The following COL19A1 variants were observed in gnomAD, a reference collection of about 807,000 sequenced individuals.
COL19A1 encodes the protein collagen type XIX alpha 1 chain, also known as collagen alpha-1(XIX) chain.
In COL19A1, 159 loss-of-function variants were observed where a neutral mutation model predicts 190.2. That is an observed-to-expected ratio of 0.84 (90% CI 0.73 to 0.95). The LOEUF is 0.95. Ranked by LOEUF, COL19A1 falls within the 40% of genes least tolerant of loss-of-function variation. The pLI is 0.00. For synonymous variants in COL19A1, 509 were observed against 458.9 expected (o/e 1.11, Z -1.39); for missense variants, 1,418 against 1,431.9 (o/e 0.99, Z 0.16).
At chr6:70,142,979 A>G (rs1786361642) in intron 23 of COL19A1, among the ~76,000 whole-genome samples, 159 bp downstream of exon 23, 1 of 152,138 alleles carries the variant, frequency 6.6e-6, no homozygotes, top group South Asian at 2.1e-4. Context: ...GTCAGGAGCT[A>G]TTGGGAAGAC....
chr6:69,921,481 T>TATACATTCATATATATTC, intron 4 of COL19A1, among the ~76,000 whole-genome samples: 1 of 86,412 alleles, frequency 1.2e-5, no homozygotes, highest in South Asian at 3.6e-4. Context: ...CATATATTCA[T>TATACATTCATATATATTC]ATATATTCAT....
chr6:69,965,787 C>A (rs1383173420), intron 11 of COL19A1, among the ~76,000 whole-genome samples: 1 of 152,170 alleles, frequency 6.6e-6, no homozygotes, highest in Non-Finnish European at 1.5e-5. Flanking sequence ...TGACCCCATC[C>A]CACTTCACCA....
intron 9 of COL19A1, among the ~76,000 whole-genome samples, chr6:69,944,371 C>A (rs1291967361): frequency 6.6e-6 from 1 of 152,096 alleles, no homozygotes; most frequent in African/African-American, 2.4e-5. Context: ...ATGCTGAATG[C>A]ATGAATGAAC....
At position 70,075,526 on chromosome 6, in the gene COL19A1, A is replaced by G. The variant is rs527698680; in HGVS notation, c.1224+7050A>G. Among the ~76,000 whole-genome samples the G allele has an allele frequency of 2.6e-5, 4 of 152,340 alleles. No homozygotes were observed. The South Asian group carries it at 8.3e-4, about 32-fold the overall frequency. On this transcript the variant is annotated intron_variant, in intron 15 of 50. Coordinates refer to ENST00000620364, the MANE Select transcript of COL19A1 (RefSeq NM_001858.6). ...CTTTACTTTTGCCTCATATTCTCTT[A>G]CTGGTGGGAAAGATAAATCAAGGAA...
chr6:70,182,372 A>T (rs575141653), intron 44 of COL19A1, among the ~76,000 whole-genome samples: 11 of 152,164 alleles, frequency 7.2e-5, no homozygotes, highest in Non-Finnish European at 1.5e-4. Context: ...TGGATTTGGG[A>T]GGGAGAGCCA....
At chr6:69,880,767 G>A (rs1768492343) in intron 2 of COL19A1, among the ~76,000 whole-genome samples, 1 of 152,152 alleles carries the variant, frequency 6.6e-6, no homozygotes, top group African/African-American at 2.4e-5. Context: ...TTTCTTCAGT[G>A]AGAAATTAAT....
intron 16 of COL19A1, among the ~76,000 whole-genome samples, chr6:70,113,138 G>T (rs1003515780): frequency 6.6e-5 from 10 of 152,166 alleles, no homozygotes; most frequent in African/African-American, 2.4e-4. Context: ...ATATGCCAAG[G>T]TGGGGGAAAA....
intron 14 of COL19A1, among the ~76,000 whole-genome samples, chr6:70,044,376 G>A (rs2150126314): frequency 6.6e-6 from 1 of 152,282 alleles, no homozygotes. Flanking sequence ...GCATTCACAA[G>A]TTGGTTGTTT....
chr6:69,874,142 CA>C (rs1767994263), intron 1 of COL19A1, among the ~76,000 whole-genome samples: 1 of 151,994 alleles, frequency 6.6e-6, no homozygotes, highest in Non-Finnish European at 1.5e-5. Flanking sequence ...GGGAAGGTAC[CA>C]GAGATGTGTT....
intron 14 of COL19A1, among the ~76,000 whole-genome samples, chr6:70,064,087 A>G (rs1376479242): frequency 1.3e-5 from 2 of 152,192 alleles, no homozygotes; most frequent in South Asian, 2.1e-4. Flanking sequence ...AAACTACTCC[A>G]ATCAATAGAA....
rs1189251156 is a variant in COL19A1, at chr6:70,156,323, T to G, written c.2192T>G (p.Ile731Arg). The G allele has an allele frequency of 6.2e-7, 1 of 1,613,350 alleles. No homozygotes were observed. Among genetic ancestry groups the G allele is most frequent in the African/African-American group, 1.3e-5 (1 of 74,964 alleles). The change falls in exon 33 of 51, where the codon ATA becomes AGA. Residue 731 changes from isoleucine (I) to arginine (R), a missense_variant. Ile to Arg is a moderately conservative substitution (Grantham distance 97). Transcript: ENST00000620364. ...TCTTCCTCTGTCTTCTAGGGTGATA[T>G]AGGGCCACGGGGTCCTCCAGGAATC... ...KYDSMARKGD[I>R]GPRGPPGIPG... is the part of the protein sequence containing the mutation.
chr6:70,207,126 A>ATT (rs3215860), intron 50 of COL19A1, 21 bp from the exon 51 acceptor site: 121 of 1,563,590 alleles, frequency 7.7e-5, no homozygotes, highest in South Asian at 2.7e-4. Flanking sequence ...CTGCATTGTA[A>ATT]TTTTTTTTTT....
At chr6:69,880,655 G>A (rs1395929813) in intron 2 of COL19A1, among the ~76,000 whole-genome samples, 1 of 152,024 alleles carries the variant, frequency 6.6e-6, no homozygotes, top group Non-Finnish European at 1.5e-5. Flanking sequence ...TTATTATTTG[G>A]CAGAAGGTGC....
chr6:70,129,226 G>A (rs1785375849), intron 17 of COL19A1, among the ~76,000 whole-genome samples: 1 of 152,200 alleles, frequency 6.6e-6, no homozygotes, highest in Admixed American at 6.5e-5. Flanking sequence ...GGAGGAAAGA[G>A]AGTAACTTAA....
At chr6:70,092,728 A>T (rs1783008123) in intron 15 of COL19A1, among the ~76,000 whole-genome samples, 1 of 152,208 alleles carries the variant, frequency 6.6e-6, no homozygotes, top group Admixed American at 6.6e-5. Flanking sequence ...TGTACTAGTC[A>T]ATTCAATCCT....
intron 4 of COL19A1, among the ~76,000 whole-genome samples, chr6:69,903,424 C>T (rs1162580548): frequency 6.6e-6 from 1 of 152,122 alleles, no homozygotes; most frequent in Non-Finnish European, 1.5e-5. Context: ...GGCCCCACTT[C>T]GCTAAAGTGG....
intron 46 of COL19A1, 24 bp downstream of exon 46, chr6:70,184,939 G>A (rs780016496): frequency 6.2e-7 from 1 of 1,602,434 alleles, no homozygotes; most frequent in South Asian, 1.1e-5. Flanking sequence ...TATTGTGATT[G>A]TTATTCAAGT....
Position 70,127,580 on chromosome 6 carries a change from C to G in COL19A1, c.1342-2602C>G, listed in dbSNP as rs540697397. Among the ~76,000 whole-genome samples, 85 of 152,234 alleles carry G rather than the reference C, an allele frequency of 5.6e-4. No homozygotes were observed. The South Asian group carries it at 7.9e-3, about 14-fold the overall frequency. On this transcript the variant is annotated intron_variant, in intron 17 of 50. Coordinates refer to ENST00000620364, the MANE Select transcript of COL19A1 (RefSeq NM_001858.6). Reference sequence around the variant, plus strand: ...TTTTCATGCTGCTGATAAAGACATACCCTAGACTGGGCAATTTACAAAAGG... The same window carrying G: ...TTTTCATGCTGCTGATAAAGACATAGCCTAGACTGGGCAATTTACAAAAGG...
chr6:69,982,530 C>A (rs1276294937), intron 11 of COL19A1, among the ~76,000 whole-genome samples: 1 of 151,708 alleles, frequency 6.6e-6, no homozygotes, highest in Admixed American at 6.6e-5. Flanking sequence ...TGAGCCACTG[C>A]ACCTGGCCTA....
Sources: gnomAD v4.1 joint callset for allele counts (sites outside exome capture counted in the v4.1 genomes callset) on GRCh38, gnomAD v4.1.1 for gene constraint, MANE v1.5 for transcripts, NCBI Gene and HGNC (gene_info 2026-07-23, HGNC 2026-07-21) for gene names.